The following SNCAIP variants were observed in gnomAD, a reference collection of about 807,000 sequenced individuals.
SNCAIP encodes the protein synphilin-1.
Under a neutral mutation model 86.7 loss-of-function variants are expected in SNCAIP, and 43 were observed. That is an observed-to-expected ratio of 0.50 (90% CI 0.39 to 0.64). The LOEUF (loss-of-function observed/expected upper bound fraction) is 0.64. Among genes scored for constraint, SNCAIP ranks in the 30% least tolerant of loss-of-function variants. The pLI is 0.00. For synonymous variants in SNCAIP, 417 were observed against 427.2 expected (o/e 0.98, Z 0.29); for missense variants, 981 against 1,103.1 (o/e 0.89, Z 1.57).
chr5:122,411,717 C>T (rs1774166331), intron 3 of SNCAIP, among the ~76,000 whole-genome samples: 1 of 152,082 alleles, frequency 6.6e-6, no homozygotes, highest in Non-Finnish European at 1.5e-5. Flanking sequence ...AGGACTCACC[C>T]CAGCACCGTA....
chr5:122,324,851 C>T (rs1323669904), intron 1 of SNCAIP, among the ~76,000 whole-genome samples: 1 of 152,172 alleles, frequency 6.6e-6, no homozygotes, highest in Non-Finnish European at 1.5e-5. Context: ...ATAAAACTGG[C>T]ACATGGATTA....
intron 2 of SNCAIP, among the ~76,000 whole-genome samples, chr5:122,398,890 A>G (rs1207973764): frequency 6.6e-6 from 1 of 152,126 alleles, no homozygotes; most frequent in Non-Finnish European, 1.5e-5. Flanking sequence ...AATCTCATGC[A>G]TGTTCCAACT....
chr5:122,348,200 T>C (rs1250587582), intron 1 of SNCAIP, among the ~76,000 whole-genome samples: 1 of 152,136 alleles, frequency 6.6e-6, no homozygotes, highest in Non-Finnish European at 1.5e-5. Context: ...TCCCAAGTAT[T>C]TTTTATATAT....
intron 3 of SNCAIP, among the ~76,000 whole-genome samples, chr5:122,414,454 C>A (rs1774862234): frequency 6.6e-6 from 1 of 152,074 alleles, no homozygotes; most frequent in African/African-American, 2.4e-5. Flanking sequence ...TGGTCATGAA[C>A]TCCTGACCTC....
chr5:122,317,364 C>T (rs1751973677), intron 1 of SNCAIP, among the ~76,000 whole-genome samples: 1 of 152,192 alleles, frequency 6.6e-6, no homozygotes, highest in South Asian at 2.1e-4. Context: ...CTGATTTCTT[C>T]TTTTCTTCAT....
At chr5:122,430,130 A>G (rs1428193459) in intron 5 of SNCAIP, among the ~76,000 whole-genome samples, 1 of 152,204 alleles carries the variant, frequency 6.6e-6, no homozygotes, top group African/African-American at 2.4e-5. Context: ...AGATTACCTC[A>G]TTGTCCTCCT....
chr5:122,412,543 C>A (rs1473956881), intron 3 of SNCAIP, among the ~76,000 whole-genome samples: 1 of 152,132 alleles, frequency 6.6e-6, no homozygotes, highest in Non-Finnish European at 1.5e-5. Flanking sequence ...CTTTGCAACT[C>A]CTCCTCCTTC....
At chr5:122,356,478 A>T (rs1465948539) in intron 1 of SNCAIP, among the ~76,000 whole-genome samples, 3 of 152,042 alleles carry the variant, frequency 2.0e-5, no homozygotes, top group African/African-American at 7.2e-5. Context: ...TTTTGATGAG[A>T]CTGAACTAAT....
At chr5:122,341,848 A>C (rs1221679881) in intron 1 of SNCAIP, among the ~76,000 whole-genome samples, 1 of 152,212 alleles carries the variant, frequency 6.6e-6, no homozygotes, top group African/African-American at 2.4e-5. Flanking sequence ...GTACTTAAAA[A>C]ACAATACTCC....
At chr5:122,412,931 C>G (rs1289761978) in intron 3 of SNCAIP, among the ~76,000 whole-genome samples, 1 of 152,168 alleles carries the variant, frequency 6.6e-6, no homozygotes, top group East Asian at 1.9e-4. Flanking sequence ...AAGTATTTCC[C>G]CATGCTATAA....
intron 2 of SNCAIP, among the ~76,000 whole-genome samples, chr5:122,396,937 C>T (rs1158552602): frequency 6.6e-6 from 1 of 152,018 alleles, no homozygotes; most frequent in Non-Finnish European, 1.5e-5. Context: ...ATTACTTTGG[C>T]TTCATTTTAA....
intron 5 of SNCAIP, among the ~76,000 whole-genome samples, chr5:122,428,885 T>C (rs1777871934): frequency 6.6e-6 from 1 of 152,052 alleles, no homozygotes; most frequent in East Asian, 1.9e-4. Context: ...GAATGATGGT[T>C]TCCAGCTTCA....
chr5:122,438,902 G>T (rs1313432046), intron 6 of SNCAIP, among the ~76,000 whole-genome samples: 3 of 152,126 alleles, frequency 2.0e-5, no homozygotes, highest in Non-Finnish European at 4.4e-5. Context: ...GCCTATGGTG[G>T]GTCCATCTGT....
intron 1 of SNCAIP, among the ~76,000 whole-genome samples, chr5:122,357,590 C>CT (rs1435805624): frequency 6.6e-6 from 1 of 151,796 alleles, no homozygotes; most frequent in Non-Finnish European, 1.5e-5. Context: ...AGGACCCACC[C>CT]TTCTCCCATT....
chr5:122,321,238 A>G (rs1027735423), intron 1 of SNCAIP: 2 of 152,246 alleles, frequency 1.3e-5, no homozygotes, highest in African/African-American at 4.8e-5. Context: ...TATGTAATCC[A>G]TATAAAAAAT....
chr5:122,453,742 T>A (rs867004033), intron 10 of SNCAIP, among the ~76,000 whole-genome samples: 1 of 151,558 alleles, frequency 6.6e-6, no homozygotes, highest in African/African-American at 2.4e-5. Context: ...CCTAAACCCA[T>A]TTTAAAAGAC....
intron 1 of SNCAIP, among the ~76,000 whole-genome samples, chr5:122,322,836 T>G (rs1237274521): frequency 1.3e-5 from 2 of 152,234 alleles, no homozygotes; most frequent in African/African-American, 4.8e-5. Context: ...ACAAGGACAC[T>G]TCAAAATAGA....
At chr5:122,462,865 C>T (rs1308578029) in intron 10 of SNCAIP, among the ~76,000 whole-genome samples, 1 of 152,142 alleles carries the variant, frequency 6.6e-6, no homozygotes, top group Non-Finnish European at 1.5e-5. Context: ...AATGATTGCA[C>T]CTACCCAAGG....
chr5:122,364,704 A>T (rs1561587085), intron 1 of SNCAIP, among the ~76,000 whole-genome samples: 1 of 151,522 alleles, frequency 6.6e-6, no homozygotes, highest in African/African-American at 2.4e-5. Context: ...TCATGTAAAA[A>T]TTTTTTTTTC....
Sources: gnomAD v4.1 joint callset for allele counts (sites outside exome capture counted in the v4.1 genomes callset) on GRCh38, gnomAD v4.1.1 for gene constraint, MANE v1.5 for transcripts, NCBI Gene and HGNC (gene_info 2026-07-23, HGNC 2026-07-21) for gene names.